The following BCKDHB variants were observed in gnomAD, a reference collection of about 807,000 sequenced individuals.
The protein encoded by BCKDHB is branched chain keto acid dehydrogenase E1 subunit beta.
A neutral mutation model predicts 48.5 loss-of-function variants in BCKDHB; 41 were observed. The ratio of observed to expected loss-of-function variants is 0.85; its 90% CI spans 0.66 to 1.10. The LOEUF (loss-of-function observed/expected upper bound fraction) is 1.10. Among genes scored for constraint, BCKDHB ranks in the 50% least tolerant of loss-of-function variants. BCKDHB has a pLI of 0.00. For synonymous variants in BCKDHB, 201 were observed against 174.8 expected (o/e 1.15, Z -1.18); for missense variants, 496 against 494.2 (o/e 1.00, Z -0.03).
intron 6 of BCKDHB, among the ~76,000 whole-genome samples, chr6:80,193,911 A>G (rs1734424079): frequency 1.3e-5 from 2 of 152,164 alleles, no homozygotes; most frequent in Non-Finnish European, 2.9e-5. Flanking sequence ...TTCAGAACTC[A>G]GTTAAATTTA....
chr6:80,233,676 G>A (rs58898449), intron 8 of BCKDHB, among the ~76,000 whole-genome samples: 86 of 152,216 alleles, frequency 5.6e-4, no homozygotes, highest in African/African-American at 1.8e-3. Context: ...TCTACTTTGC[G>A]TGTCAAATGT....
At chr6:80,160,287 G>T (rs1335637546) in intron 3 of BCKDHB, among the ~76,000 whole-genome samples, 1 of 152,048 alleles carries the variant, frequency 6.6e-6, no homozygotes, top group African/African-American at 2.4e-5. Context: ...CTCCCAAGTA[G>T]CTGGGTTTAC....
At chr6:80,411,778 G>A in the BCKDHB span, among the ~76,000 whole-genome samples, 4 of 152,360 alleles carry the variant, frequency 2.6e-5, 1 homozygote, top group South Asian at 8.3e-4. Flanking sequence ...AGCCAGGCAC[G>A]GGAGGGAATC....
At chr6:80,376,234 T>C in the BCKDHB span, among the ~76,000 whole-genome samples, 1 of 151,988 alleles carries the variant, frequency 6.6e-6, no homozygotes, top group Non-Finnish European at 1.5e-5. Flanking sequence ...GTTAAGTTCC[T>C]GGCAGGATCA....
the BCKDHB span, among the ~76,000 whole-genome samples, chr6:80,400,901 C>T: frequency 6.6e-6 from 1 of 151,966 alleles, no homozygotes; most frequent in African/African-American, 2.4e-5. Flanking sequence ...AGAATGAGAT[C>T]ATGTTCCTGG....
intron 3 of BCKDHB, among the ~76,000 whole-genome samples, chr6:80,132,531 A>G (rs1363386406): frequency 1.6e-4 from 24 of 152,304 alleles, no homozygotes; most frequent in East Asian, 1.9e-4. Context: ...TCCTTAAAAA[A>G]TAGGTTAAAA....
Position 80,107,035 on chromosome 6 carries a change from G to C in BCKDHB, c.196+146G>C, listed in dbSNP as rs1223737674. On this transcript the variant is annotated intron_variant, in intron 1 of 9. Transcript: ENST00000320393. ...ACTCTCTGGAACCTCCTTGCCTCAG[G>C]GTCTAACTGTGGTTCACTTCTTGCT... The C allele has an allele frequency of 8.5e-6, 9 of 1,057,976 alleles. No homozygotes were observed. In the South Asian group the frequency reaches 9.7e-5, roughly 11 times the overall value. The allele number at this position is 1,057,976 out of a possible 1,614,324, so 65.5% of individuals were successfully genotyped here. A position where few individuals can be genotyped will look rare whatever the true frequency, so the allele number is the denominator to read the frequency against.
chr6:80,267,926 A>T (rs1021089744), intron 8 of BCKDHB, among the ~76,000 whole-genome samples: 1 of 152,044 alleles, frequency 6.6e-6, no homozygotes, highest in East Asian at 1.9e-4. Flanking sequence ...CTGACAATTT[A>T]GTTTTTCTTG....
At chr6:80,333,762 T>C (rs1462294453) in intron 9 of BCKDHB, among the ~76,000 whole-genome samples, 1 of 152,180 alleles carries the variant, frequency 6.6e-6, no homozygotes, top group Non-Finnish European at 1.5e-5. Context: ...GACTAATAGC[T>C]TTTTATATGA....
chr6:80,210,097 C>A, intron 8 of BCKDHB, among the ~76,000 whole-genome samples: 1 of 129,448 alleles, frequency 7.7e-6, no homozygotes, highest in East Asian at 2.3e-4. Context: ...TATAACCTAG[C>A]AATTCCAATC....
At chr6:80,274,342 A>T (rs962173978) in intron 9 of BCKDHB, among the ~76,000 whole-genome samples, 1 of 151,966 alleles carries the variant, frequency 6.6e-6, no homozygotes, top group African/African-American at 2.4e-5. Flanking sequence ...CAAATATTTG[A>T]GTTTTGTAGA....
chr6:80,452,405 C>T, the BCKDHB span, among the ~76,000 whole-genome samples: 1 of 151,968 alleles, frequency 6.6e-6, no homozygotes, highest in Non-Finnish European at 1.5e-5. Flanking sequence ...GAAATGGAGA[C>T]ATGAGTATAG....
At chr6:80,393,114 T>G in the BCKDHB span, among the ~76,000 whole-genome samples, 1 of 152,134 alleles carries the variant, frequency 6.6e-6, no homozygotes, top group Non-Finnish European at 1.5e-5. Flanking sequence ...AGTTCCCTCA[T>G]GAGCTATGTA....
chr6:80,176,305 A>G (rs1773153091), intron 6 of BCKDHB, among the ~76,000 whole-genome samples: 1 of 152,176 alleles, frequency 6.6e-6, no homozygotes, highest in South Asian at 2.1e-4. Context: ...GATTTTAAAT[A>G]TATACTGAGC....
At chr6:80,340,930 T>G in intron 9 of BCKDHB, among the ~76,000 whole-genome samples, 1 of 152,228 alleles carries the variant, frequency 6.6e-6, no homozygotes, top group East Asian at 1.9e-4. Flanking sequence ...GTGAACCAAT[T>G]CAGTGAGAAG....
chr6:80,165,288 C>A (rs1365465447), intron 3 of BCKDHB, among the ~76,000 whole-genome samples: 1 of 152,116 alleles, frequency 6.6e-6, no homozygotes, highest in East Asian at 1.9e-4. Context: ...TATCAAGCTA[C>A]TCACAGTCAA....
intron 9 of BCKDHB, among the ~76,000 whole-genome samples, chr6:80,300,132 T>C (rs1411854372): frequency 6.6e-6 from 1 of 151,678 alleles, no homozygotes; most frequent in Non-Finnish European, 1.5e-5. Context: ...GCCCACTGCA[T>C]CCTTGACTTC....
chr6:80,147,421 T>A (rs1203355092), intron 3 of BCKDHB, among the ~76,000 whole-genome samples: 1 of 152,344 alleles, frequency 6.6e-6, no homozygotes, highest in East Asian at 1.9e-4. Context: ...ATTATATGTT[T>A]GTACAAATTC....
Position 80,244,776 on chromosome 6 carries a change from C to T in BCKDHB, c.952-28359C>T, listed in dbSNP as rs61201351. ...ATAGCTTGGAAAAAGTAAAGGAGTACGGCAGCAGAAGAAAGATGACTGTAA... is the reference window on the plus strand; with the variant it reads ...ATAGCTTGGAAAAAGTAAAGGAGTATGGCAGCAGAAGAAAGATGACTGTAA... On this transcript the variant is annotated intron_variant, in intron 8 of 9. Transcript: ENST00000320393. Among the ~76,000 whole-genome samples the T allele has an allele frequency of 5.2e-3, 794 of 152,166 alleles. 8 individuals carry two copies. Among genetic ancestry groups the T allele is most frequent in the African/African-American group, 0.018 (758 of 41,502 alleles).
Sources: gnomAD v4.1 joint callset for allele counts (sites outside exome capture counted in the v4.1 genomes callset) on GRCh38, gnomAD v4.1.1 for gene constraint, MANE v1.5 for transcripts, NCBI Gene and HGNC (gene_info 2026-07-23, HGNC 2026-07-21) for gene names.